KTN1: variants seen among roughly 807,000 people sequenced by gnomAD.
KTN1 encodes the protein kinectin 1, also known as kinectin.
KTN1 carries 130 observed loss-of-function variants against 222.5 expected under a neutral mutation model. The ratio of observed to expected loss-of-function variants is 0.58; its 90% CI spans 0.51 to 0.68. The LOEUF is 0.68. Ranked by LOEUF, KTN1 falls within the 30% of genes least tolerant of loss-of-function variation. The pLI, the probability that KTN1 is intolerant of heterozygous loss-of-function variation, is 0.00. For missense variants in KTN1, 1,508 were observed against 1,500.4 expected (o/e 1.01, Z -0.08); for synonymous variants, 512 against 496.3 (o/e 1.03, Z -0.42).
chr14:55,643,230 T>C (rs1267461902), intron 18 of KTN1, among the ~76,000 whole-genome samples: 1 of 152,178 alleles, frequency 6.6e-6, no homozygotes, highest in African/African-American at 2.4e-5. Context: ...TTTGTCTTAT[T>C]TCCTTTTCTG....
chr14:55,629,374 C>T (rs552757915), intron 6 of KTN1, among the ~76,000 whole-genome samples: 9 of 147,770 alleles, frequency 6.1e-5, no homozygotes, highest in African/African-American at 2.3e-4. Context: ...GCCGAGATCA[C>T]GCCACTGCTC....
In KTN1 at chr14:55,580,336, C is replaced by T. The variant is rs1232189817; in HGVS notation, c.-49C>T. Reference sequence around the variant, plus strand: ...CGGCGCCGCCGCGTCTTCCCGGTCTCCTTTCCCGGCCGCACAGGGTGAGGG... The same window carrying T: ...CGGCGCCGCCGCGTCTTCCCGGTCTTCTTTCCCGGCCGCACAGGGTGAGGG... On this transcript the variant is annotated 5_prime_UTR_variant, in exon 1 of 44. Transcript: ENST00000395314. The T allele has an allele frequency of 6.8e-6, 1 of 147,912 alleles. No homozygotes were observed. Among genetic ancestry groups the T allele is most frequent in the Admixed American group, 6.8e-5 (1 of 14,778 alleles). The allele number at this position is 147,912 out of a possible 1,614,324, so 9.2% of individuals were successfully genotyped here.
chr14:55,584,671 A>G (rs528454373), intron 1 of KTN1, among the ~76,000 whole-genome samples: 2 of 152,246 alleles, frequency 1.3e-5, no homozygotes, highest in African/African-American at 4.8e-5. Context: ...CTGTCATACT[A>G]TATAATTTCC....
intron 1 of KTN1, among the ~76,000 whole-genome samples, chr14:55,593,197 A>G (rs1048534086): frequency 3.3e-5 from 5 of 152,044 alleles, no homozygotes; most frequent in Non-Finnish European, 5.9e-5. Flanking sequence ...GAAAACCTCT[A>G]TCTCCTTCTT....
intron 37 of KTN1, 88 bp downstream of exon 37, chr14:55,671,965 G>T: frequency 1.3e-6 from 1 of 784,594 alleles, no homozygotes; most frequent in South Asian, 1.7e-5. Flanking sequence ...ACATTCTTGG[G>T]CCCCAACCCA....
At chr14:55,658,457 G>A in intron 29 of KTN1, 89 bp from the exon 30 acceptor site, 2 of 773,212 alleles carry the variant, frequency 2.6e-6, no homozygotes, top group Non-Finnish European at 4.5e-6. Flanking sequence ...AATTTTTCTA[G>A]CTTGTATGAT....
chr14:55,647,835 T>C (rs1255025981), intron 19 of KTN1, among the ~76,000 whole-genome samples, 190 bp from the exon 20 acceptor site: 1 of 151,278 alleles, frequency 6.6e-6, no homozygotes. Flanking sequence ...TCCCAGCTAC[T>C]CGGGAGGGTG....
chr14:55,677,734 T>C (rs2046010181), intron 41 of KTN1, among the ~76,000 whole-genome samples: 1 of 152,180 alleles, frequency 6.6e-6, no homozygotes, highest in Non-Finnish European at 1.5e-5. Flanking sequence ...GTTTTGCTCT[T>C]ATTGCCCAGG....
intron 34 of KTN1, chr14:55,668,000 A>G (rs1335042807): frequency 1.3e-5 from 2 of 151,826 alleles, no homozygotes; most frequent in Middle Eastern, 3.2e-3. Flanking sequence ...CATAGCACTT[A>G]TCAGTACATG....
intron 18 of KTN1, among the ~76,000 whole-genome samples, chr14:55,646,443 T>TTCC (rs1389597173): frequency 3.3e-5 from 2 of 59,796 alleles, no homozygotes; most frequent in African/African-American, 1.3e-4. Flanking sequence ...TTCCTTTCCT[T>TTCC]TTCCTTTTCC....
At chr14:55,589,871 A>T (rs907098873) in intron 1 of KTN1, among the ~76,000 whole-genome samples, 1 of 151,706 alleles carries the variant, frequency 6.6e-6, no homozygotes, top group Non-Finnish European at 1.5e-5. Flanking sequence ...GTTGGCCAGG[A>T]TGGTCTCGAT....
intron 41 of KTN1, 99 bp from the exon 42 acceptor site, chr14:55,678,253 A>G: frequency 1.4e-6 from 1 of 728,388 alleles, no homozygotes; most frequent in Non-Finnish European, 2.3e-6. Flanking sequence ...TCGTCTTTTG[A>G]GAGGAGCTTT....
At chr14:55,663,467 G>A (rs1001347353) in intron 32 of KTN1, 1 of 162,306 alleles carries the variant, frequency 6.2e-6, no homozygotes, top group Non-Finnish European at 1.3e-5. Flanking sequence ...GGTTACTATG[G>A]GATTCCTAGG....
intron 31 of KTN1, among the ~76,000 whole-genome samples, 166 bp downstream of exon 31, chr14:55,659,869 G>A (rs2043921166): frequency 6.6e-6 from 1 of 152,172 alleles, no homozygotes; most frequent in Non-Finnish European, 1.5e-5. Context: ...CTTTGGCTAA[G>A]ATGCTTTTTT....
intron 1 of KTN1, among the ~76,000 whole-genome samples, chr14:55,609,719 T>G (rs1352821500): frequency 6.6e-6 from 1 of 152,138 alleles, no homozygotes; most frequent in African/African-American, 2.4e-5. Context: ...CCTTTTTGAC[T>G]TTTACCCCTT....
chr14:55,642,217 A>T (rs1422955233), intron 18 of KTN1, among the ~76,000 whole-genome samples: 1 of 152,196 alleles, frequency 6.6e-6, no homozygotes, highest in Non-Finnish European at 1.5e-5. Flanking sequence ...TATTTACACC[A>T]TAAAGTTGTT....
intron 7 of KTN1, among the ~76,000 whole-genome samples, chr14:55,632,206 A>C (rs995282182): frequency 1.3e-5 from 2 of 152,272 alleles, no homozygotes; most frequent in Middle Eastern, 3.4e-3. Context: ...AATTCCTGTT[A>C]ATTTGAAAAT....
chr14:55,631,366 A>G (rs954079847), intron 7 of KTN1, among the ~76,000 whole-genome samples: 6 of 145,956 alleles, frequency 4.1e-5, no homozygotes, highest in South Asian at 2.1e-4. Flanking sequence ...ATATATATAT[A>G]TATGTATTTT....
chr14:55,636,643 A>C (rs540393187), intron 10 of KTN1, 107 bp downstream of exon 10: 35 of 689,754 alleles, frequency 5.1e-5, no homozygotes, highest in East Asian at 8.5e-5. Context: ...GTTATAGCTC[A>C]ATAAAAATAG....
Sources: allele counts gnomAD v4.1 joint callset (sites outside exome capture counted in the v4.1 genomes callset), GRCh38; gene constraint gnomAD v4.1.1; transcripts MANE v1.5; gene names NCBI Gene and HGNC (gene_info 2026-07-23, HGNC 2026-07-21).